Variants in ANO1 observed in about 807,000 individuals in gnomAD.
The protein encoded by ANO1 is anoctamin-1.
A neutral mutation model predicts 124.0 loss-of-function variants in ANO1; 59 were observed. The ratio of observed to expected loss-of-function variants is 0.48; its 90% CI spans 0.39 to 0.59. The LOEUF (loss-of-function observed/expected upper bound fraction) is 0.59, where lower values mean the gene tolerates loss of function less well. Ranked by LOEUF, ANO1 falls within the 20% of genes least tolerant of loss-of-function variation. ANO1 has a pLI of 0.00. For synonymous variants in ANO1, 529 were observed against 532.0 expected (o/e 0.99, Z 0.08); for missense variants, 1,059 against 1,328.0 (o/e 0.80, Z 3.15).
chr11:70,135,023 C>T (rs948173), intron 11 of ANO1, among the ~76,000 whole-genome samples: 73,792 of 151,822 alleles, frequency 0.49, 18,827 homozygotes, highest in Non-Finnish European at 0.58. Flanking sequence ...GTCTTATGCT[C>T]GAGTCGGAGA....
At chr11:70,167,464 G>A (rs2048300529) in intron 21 of ANO1, 77 bp downstream of exon 21, 16 of 1,518,706 alleles carry the variant, frequency 1.1e-5, no homozygotes, top group Non-Finnish European at 1.3e-5. Flanking sequence ...GGGAAGGGCT[G>A]CAGGGGCATG....
intron 1 of ANO1, among the ~76,000 whole-genome samples, chr11:70,009,955 A>G (rs1856560530): frequency 6.6e-6 from 1 of 151,754 alleles, no homozygotes; most frequent in African/African-American, 2.4e-5. Context: ...CCTAGAGTCT[A>G]TGATGTCATT....
upstream of ANO1, among the ~76,000 whole-genome samples, chr11:69,982,035 G>A (rs574785702): frequency 1.3e-5 from 2 of 152,278 alleles, no homozygotes; most frequent in South Asian, 2.1e-4. Context: ...GGGGAGGGGG[G>A]AGATGGGGAG....
intron 1 of ANO1, among the ~76,000 whole-genome samples, chr11:70,010,151 G>T (rs1169570786): frequency 1.7e-5 from 1 of 59,704 alleles, no homozygotes; most frequent in Non-Finnish European, 3.5e-5. Context: ...GTGTGTGTGT[G>T]TGTGTGTGTG....
chr11:70,095,483 A>G (rs558906714), intron 2 of ANO1, among the ~76,000 whole-genome samples: 8 of 152,382 alleles, frequency 5.2e-5, no homozygotes, highest in South Asian at 2.1e-4. Flanking sequence ...TTAAAAATTC[A>G]TGTTTTTAAA....
intron 1 of ANO1, among the ~76,000 whole-genome samples, chr11:70,023,714 G>T (rs1014523777): frequency 4.6e-5 from 7 of 152,188 alleles, no homozygotes; most frequent in Non-Finnish European, 7.3e-5. Context: ...ACCATCAGTA[G>T]ATGGTTAAAC....
chr11:70,162,730 C>T (rs2048106417), intron 18 of ANO1, among the ~76,000 whole-genome samples: 1 of 152,200 alleles, frequency 6.6e-6, no homozygotes, highest in African/African-American at 2.4e-5. Flanking sequence ...GGTCCCAGGG[C>T]CCCGCCAAGG....
the ANO1 span, among the ~76,000 whole-genome samples, chr11:69,967,761 T>C: frequency 6.6e-6 from 1 of 152,180 alleles, no homozygotes; most frequent in Non-Finnish European, 1.5e-5. Context: ...TGAGTAACCC[T>C]GGATGTCCCT....
At position 70,109,095 on chromosome 11, in the gene ANO1, G is replaced by A. The variant is rs141337632; in HGVS notation, c.799+691G>A. Among the ~76,000 whole-genome samples the A allele has an allele frequency of 9.3e-4, 141 of 152,300 alleles. 1 individual carries two copies. Among genetic ancestry groups the A allele is most frequent in the African/African-American group, 3.3e-3 (136 of 41,554 alleles). On this transcript the variant is annotated intron_variant, in intron 6 of 25. Coordinates refer to ENST00000355303, the MANE Select transcript of ANO1 (RefSeq NM_018043.7). ...CCTTTCCTCCCCTCCTTCTTGAGCT[G>A]TCTTATGACCTGCTGAGAGCCGTGC...
At chr11:70,034,107 C>G (rs971070140) in intron 1 of ANO1, among the ~76,000 whole-genome samples, 2 of 152,100 alleles carry the variant, frequency 1.3e-5, no homozygotes, top group South Asian at 4.2e-4. Context: ...AATTTCATTG[C>G]GCATGGAGCC....
At chr11:70,062,045 A>AT in intron 1 of ANO1, among the ~76,000 whole-genome samples, 1 of 101,938 alleles carries the variant, frequency 9.8e-6, no homozygotes, top group Middle Eastern at 7.7e-3. Context: ...TAGAGAGGTG[A>AT]TTTTTTTCTC....
Position 70,161,636 on chromosome 11 carries a change from G to A in ANO1, c.1795G>A (p.Glu599Lys), listed in dbSNP as rs1352205170. Residue 599 changes from glutamate (E) to lysine (K), a missense_variant, in exon 18 of 26, where the codon GAG becomes AAG. Coordinates refer to ENST00000355303, the MANE Select transcript of ANO1 (RefSeq NM_018043.7). ...CCTCCCTCTAGAGGTCCCAAAGACG[G>A]AGAAAAGCTTTGAGGAGAGGCTGAT... ...WLTKIEVPKT[E>K]KSFEERLIFK... The A allele has an allele frequency of 1.9e-6, 3 of 1,613,876 alleles. No individual in the cohort carries two copies.
At chr11:70,163,468 T>A (rs765179294) in intron 19 of ANO1, 128 bp downstream of exon 19, 1 of 1,202,552 alleles carries the variant, frequency 8.3e-7, no homozygotes, top group South Asian at 1.3e-5. Context: ...CTTTCCTTCT[T>A]GCTGGAAACT....
chr11:70,010,173 G>GTGTA, intron 1 of ANO1, among the ~76,000 whole-genome samples: 1 of 50,636 alleles, frequency 2.0e-5, no homozygotes, highest in South Asian at 8.9e-4. Context: ...GTGCGCGTGT[G>GTGTA]TGTGTGTATA....
At chr11:70,032,502 A>G (rs1857018878) in intron 1 of ANO1, among the ~76,000 whole-genome samples, 1 of 150,192 alleles carries the variant, frequency 6.7e-6, no homozygotes, top group Admixed American at 6.6e-5. Flanking sequence ...AGGGAGCAAA[A>G]AAGATGGGAG....
intron 8 of ANO1, among the ~76,000 whole-genome samples, chr11:70,119,157 G>A (rs190936063): frequency 1.2e-3 from 173 of 148,728 alleles, no homozygotes; most frequent in African/African-American, 4.1e-3. Flanking sequence ...GATGCTGGAG[G>A]AATTAATGAT....
intron 5 of ANO1, among the ~76,000 whole-genome samples, chr11:70,107,434 A>G (rs1353915039): frequency 7.0e-6 from 1 of 142,574 alleles, no homozygotes; most frequent in Admixed American, 7.2e-5. Flanking sequence ...TGAGTTTGGA[A>G]AGTGAGAGAG....
rs564105129 is a variant in ANO1, at chr11:70,188,675, G to A, written c.*671G>A. 110 of 152,352 alleles carry A rather than the reference G, an allele frequency of 7.2e-4. No individual in the cohort carries two copies. Among genetic ancestry groups the A allele is most frequent in the Non-Finnish European group, 1.2e-3 (80 of 68,156 alleles). 9.4% of individuals were successfully genotyped at this position (152,352 alleles called of 1,614,324 possible). On this transcript the variant is annotated 3_prime_UTR_variant, in exon 26 of 26. Transcript: ENST00000355303. ...TTAAGCAGGAAACAGCACCCTTGGCGTCCCCAGCAGGCTCCCCACTGTCAG... is the reference window on the plus strand; with the variant it reads ...TTAAGCAGGAAACAGCACCCTTGGCATCCCCAGCAGGCTCCCCACTGTCAG...
chr11:70,188,097 G>A lies in ANO1; in HGVS notation c.*93G>A, dbSNP rs546578340. 716 of 1,421,776 alleles carry A rather than the reference G, an allele frequency of 5.0e-4. 1 individual carries two copies. The highest frequency in any genetic ancestry group is 1.8e-3 in the Middle Eastern group (7 of 3,954). The allele number at this position is 1,421,776 out of a possible 1,614,324, so 88.1% of individuals were successfully genotyped here. A position where few individuals can be genotyped will look rare whatever the true frequency, so the allele number is the denominator to read the frequency against. On this transcript the variant is annotated 3_prime_UTR_variant, in exon 26 of 26. Transcript: ENST00000355303. ...CGGCTTCCCGCTCCCACCAGGGCCC[G>A]GTGGGTCCTGGGTTTTCTGCAAACA...
Sources: allele counts gnomAD v4.1 joint callset (sites outside exome capture counted in the v4.1 genomes callset), GRCh38; gene constraint gnomAD v4.1.1; transcripts MANE v1.5; gene names NCBI Gene and HGNC (gene_info 2026-07-23, HGNC 2026-07-21).